CDC73: variants seen among roughly 807,000 people sequenced by gnomAD.
The protein encoded by CDC73 is cell division cycle 73.
CDC73 carries 21 observed loss-of-function variants against 83.7 expected under a neutral mutation model. That is an observed-to-expected ratio of 0.25 (90% CI 0.18 to 0.36). The LOEUF is 0.36. Ranked by LOEUF, CDC73 falls within the 10% of genes least tolerant of loss-of-function variation. CDC73 has a pLI of 1.00. For missense variants in CDC73, 342 were observed against 653.3 expected, an observed-to-expected ratio of 0.52 and a Z score of 5.19; for synonymous variants, 224 against 212.9, an observed-to-expected ratio of 1.05 and a Z score of -0.45.
intron 10 of CDC73, among the ~76,000 whole-genome samples, chr1:193,174,137 G>A (rs1017644462): frequency 6.6e-6 from 1 of 151,474 alleles, no homozygotes; most frequent in Non-Finnish European, 1.5e-5. Flanking sequence ...GAAAGGTCTT[G>A]GCTACAAGTC....
chr1:193,244,891 A>C (rs1490007149), intron 15 of CDC73, among the ~76,000 whole-genome samples: 1 of 152,222 alleles, frequency 6.6e-6, no homozygotes, highest in Non-Finnish European at 1.5e-5. Context: ...CTTAGAATAT[A>C]AACTCCCTTA....
chr1:193,141,733 AC>A, intron 6 of CDC73, 116 bp from the exon 7 acceptor site: 4 of 707,156 alleles, frequency 5.7e-6, no homozygotes, highest in South Asian at 3.3e-5. Context: ...AGATAAGAAA[AC>A]CTTAATTATT....
intron 10 of CDC73, among the ~76,000 whole-genome samples, chr1:193,165,849 C>T (rs779316169): frequency 1.3e-4 from 20 of 152,188 alleles, no homozygotes; most frequent in Admixed American, 6.5e-5. Context: ...GAACAACCTA[C>T]CATTTTTATA....
intron 15 of CDC73, among the ~76,000 whole-genome samples, chr1:193,245,656 A>G (rs1169631571): frequency 2.0e-5 from 3 of 152,224 alleles, no homozygotes; most frequent in East Asian, 1.9e-4. Flanking sequence ...ATGCCCATTA[A>G]TGAGGTTGCT....
intron 16 of CDC73, 40 bp downstream of exon 16, chr1:193,249,911 G>T (rs748403468): frequency 2.2e-5 from 35 of 1,602,326 alleles, no homozygotes; most frequent in Non-Finnish European, 2.6e-5. Flanking sequence ...GTGTTTTATT[G>T]TAATTTTTCT....
At chr1:193,136,087 C>T (rs1312267856) in intron 5 of CDC73, among the ~76,000 whole-genome samples, 2 of 151,872 alleles carry the variant, frequency 1.3e-5, no homozygotes, top group East Asian at 3.9e-4. Flanking sequence ...GGCCAGGCTA[C>T]AGAATTCTTT....
At chr1:193,243,072 A>T (rs921866071) in intron 15 of CDC73, among the ~76,000 whole-genome samples, 8 of 151,232 alleles carry the variant, frequency 5.3e-5, no homozygotes, top group African/African-American at 1.9e-4. Flanking sequence ...CAGCCTCCTG[A>T]GTAGCTGGGA....
intron 7 of CDC73, among the ~76,000 whole-genome samples, chr1:193,145,215 T>A (rs6673815): frequency 1.1e-4 from 16 of 152,330 alleles, no homozygotes; most frequent in African/African-American, 3.6e-4. Context: ...GATTTTAAAG[T>A]ACCTATGCAA....
At chr1:193,181,479 A>G in intron 10 of CDC73, 2 of 1,614,060 alleles carry the variant, frequency 1.2e-6, no homozygotes, top group African/African-American at 1.3e-5. Flanking sequence ...AAAGTACTCC[A>G]ATAAGATGAG....
intron 13 of CDC73, among the ~76,000 whole-genome samples, chr1:193,229,646 C>G (rs1677624641): frequency 6.6e-6 from 1 of 152,134 alleles, no homozygotes; most frequent in East Asian, 1.9e-4. Context: ...CTTACTGTAT[C>G]CTGAACGTAC....
At chr1:193,139,526 T>C (rs1052804397) in intron 6 of CDC73, among the ~76,000 whole-genome samples, 1 of 152,242 alleles carries the variant, frequency 6.6e-6, no homozygotes, top group African/African-American at 2.4e-5. Context: ...TGTAATTATT[T>C]TCATGCCTTG....
intron 15 of CDC73, among the ~76,000 whole-genome samples, chr1:193,242,344 C>T (rs1677877711): frequency 6.6e-6 from 1 of 152,186 alleles, no homozygotes; most frequent in Admixed American, 6.5e-5. Context: ...TGGCTCTCCC[C>T]TGGCTAGGAT....
chr1:193,203,356 C>G (rs1052506012), intron 10 of CDC73, among the ~76,000 whole-genome samples: 5 of 151,968 alleles, frequency 3.3e-5, no homozygotes, highest in Admixed American at 3.3e-4. Flanking sequence ...TTTTTAAATA[C>G]ATTCCAATAT....
intron 6 of CDC73, 151 bp downstream of exon 6, chr1:193,138,324 G>A: frequency 3.0e-6 from 2 of 667,374 alleles, no homozygotes; most frequent in Non-Finnish European, 5.4e-6. Context: ...CATGTGTGGG[G>A]ATTGGAAGTC....
intron 10 of CDC73, among the ~76,000 whole-genome samples, chr1:193,158,725 C>G (rs963893758): frequency 1.3e-5 from 2 of 152,004 alleles, no homozygotes; most frequent in South Asian, 2.1e-4. Flanking sequence ...CAGAGTGGTT[C>G]TATCATGTGT....
At chr1:193,247,143 T>C (rs572948714) in intron 15 of CDC73, among the ~76,000 whole-genome samples, 1 of 152,266 alleles carries the variant, frequency 6.6e-6, no homozygotes, top group East Asian at 1.9e-4. Flanking sequence ...GTGGCAACCT[T>C]GTGTGTTGAT....
At chr1:193,158,513 A>T (rs963969175) in intron 10 of CDC73, among the ~76,000 whole-genome samples, 39 of 151,752 alleles carry the variant, frequency 2.6e-4, no homozygotes, top group Non-Finnish European at 5.9e-5. Flanking sequence ...AAAAAAAAAA[A>T]TTAAGTAACT....
In CDC73 at chr1:193,212,535, G is replaced by A. The variant is rs1440201828; in HGVS notation, c.1154+58G>A. The A allele has an allele frequency of 3.6e-6, 4 of 1,124,246 alleles. No individual in the cohort carries two copies. In the African/African-American group the frequency reaches 6.2e-5, roughly 17 times the overall value. The allele number at this position is 1,124,246 out of a possible 1,614,324, so 69.6% of individuals were successfully genotyped here. ...GATATTGAGATACCATTGGAAAATA[G>A]TAGTTACTGAATCAGTATTACTTAT... On this transcript the variant is annotated intron_variant, in intron 13 of 16. Coordinates refer to ENST00000367435, the MANE Select transcript of CDC73 (RefSeq NM_024529.5).
chr1:193,148,015 T>C (rs776031250), intron 8 of CDC73, 50 bp downstream of exon 8: 34 of 1,174,360 alleles, frequency 2.9e-5, no homozygotes, highest in Middle Eastern at 1.9e-4. Context: ...TTGCCACTTA[T>C]ATTGCAGTGT....
Sources: allele counts gnomAD v4.1 joint callset (sites outside exome capture counted in the v4.1 genomes callset), GRCh38; gene constraint gnomAD v4.1.1; transcripts MANE v1.5; gene names NCBI Gene and HGNC (gene_info 2026-07-23, HGNC 2026-07-21).